Variants in PCDHA2 observed in about 807,000 individuals in gnomAD.
The protein encoded by PCDHA2 is protocadherin alpha 2.
In PCDHA2, 58 loss-of-function variants were observed where a neutral mutation model predicts 66.0. That is an observed-to-expected ratio of 0.88 (90% CI 0.71 to 1.09). The LOEUF (loss-of-function observed/expected upper bound fraction) is 1.09. PCDHA2 is among the 50% of genes least tolerant of loss of function. The pLI is 0.00. For synonymous variants in PCDHA2, 634 were observed against 554.0 expected, an observed-to-expected ratio of 1.14 and a Z score of -2.03; for missense variants, 1,267 against 1,242.3, an observed-to-expected ratio of 1.02 and a Z score of -0.30.
At chr5:140,842,644 G>C in intron 1 of PCDHA2, 1 of 1,595,462 alleles carries the variant, frequency 6.3e-7, no homozygotes, top group African/African-American at 1.3e-5. Context: ...CCGCCAGCTT[G>C]TCTGTGGAGG....
At chr5:140,877,504 A>G (rs532509235) in intron 1 of PCDHA2, 1 of 1,613,764 alleles carries the variant, frequency 6.2e-7, no homozygotes, top group South Asian at 1.1e-5. Context: ...GGCCCCAAAG[A>G]CGTCGTCGCG....
chr5:140,871,072 G>T, intron 1 of PCDHA2: 1 of 1,613,238 alleles, frequency 6.2e-7, no homozygotes, highest in South Asian at 1.1e-5. Context: ...CGGTGAGCCG[G>T]CGCTGACGGC....
intron 1 of PCDHA2, among the ~76,000 whole-genome samples, chr5:140,818,937 A>G (rs1160435477): frequency 4.6e-5 from 7 of 152,228 alleles, no homozygotes; most frequent in Middle Eastern, 3.2e-3. Flanking sequence ...ATTATTTGAC[A>G]TGAACATTGA....
rs2098417657 is a variant in PCDHA2, at chr5:141,010,566, C to T, written c.*629C>T. 3.4e-6 allele frequency: 1 copy of T among 290,180 alleles called. No individual in the cohort carries two copies. The highest frequency in any genetic ancestry group is 6.5e-6 in the Non-Finnish European group (1 of 154,226). The allele number at this position is 290,180 out of a possible 1,614,324, so 18.0% of individuals were successfully genotyped here. ...GACAAAACTACCCCCACTGACAAGG[C>T]TTTAGGAGACCCTAAAGTCTGTTGG... On this transcript the variant is annotated 3_prime_UTR_variant, in exon 4 of 4. Coordinates refer to ENST00000526136, the MANE Select transcript of PCDHA2 (RefSeq NM_018905.3).
At position 141,010,190 on chromosome 5, in the gene PCDHA2, CCTTT is replaced by C. The variant is rs763940360; in HGVS notation, c.*256_*259del. On this transcript the variant is annotated 3_prime_UTR_variant, in exon 4 of 4. Coordinates refer to ENST00000526136, the MANE Select transcript of PCDHA2 (RefSeq NM_018905.3). ...GAACCTAAAAAGCAGACCCAAGTTT[CCTTT>C]CTCCTCCGCCGCAAAGGAGAGGCTT... 6.4e-7 allele frequency: 1 copy of C among 1,552,504 alleles called. No individual in the cohort carries two copies. Among genetic ancestry groups the C allele is most frequent in the Non-Finnish European group, 8.7e-7 (1 of 1,147,234 alleles).
intron 1 of PCDHA2, chr5:140,823,465 C>G (rs1554129364): frequency 1.9e-6 from 3 of 1,613,368 alleles, no homozygotes; most frequent in South Asian, 1.1e-5. Flanking sequence ...CGCGCCGGCG[C>G]TGCTGGTGCC....
At chr5:140,915,204 C>T (rs2077022161) in intron 1 of PCDHA2, among the ~76,000 whole-genome samples, 1 of 152,236 alleles carries the variant, frequency 6.6e-6, no homozygotes, top group East Asian at 1.9e-4. Flanking sequence ...ATCTTGGCCT[C>T]CCAAAGTGCT....
intron 1 of PCDHA2, chr5:140,929,360 C>G (rs781864515): frequency 5.3e-6 from 8 of 1,519,748 alleles, no homozygotes; most frequent in Non-Finnish European, 6.2e-6. Flanking sequence ...TTCCTTTGGC[C>G]CGGAGATGGC....
chr5:140,838,268 C>G (rs1775630088), intron 1 of PCDHA2, among the ~76,000 whole-genome samples: 1 of 138,020 alleles, frequency 7.2e-6, no homozygotes, highest in African/African-American at 2.8e-5. Flanking sequence ...CGCCAACAAC[C>G]AAGCCATGCT....
chr5:140,822,352 C>G, intron 1 of PCDHA2: 1 of 1,614,074 alleles, frequency 6.2e-7, no homozygotes, highest in South Asian at 1.1e-5. Context: ...CTTTTTAGAG[C>G]TGGTTTTGAG....
At position 140,857,387 on chromosome 5, in the gene PCDHA2, G is replaced by C. The variant is rs369919324; in HGVS notation, c.2388+60035G>C. 21 of 1,598,586 alleles carry C rather than the reference G, an allele frequency of 1.3e-5. 1 individual carries two copies. The Admixed American group carries it at 3.5e-4, about 27-fold the overall frequency. On this transcript the variant is annotated intron_variant, in intron 1 of 3. Coordinates refer to ENST00000526136, the MANE Select transcript of PCDHA2 (RefSeq NM_018905.3). The stretch of plus-strand genomic sequence containing the variant: ...CAGCGTGTCTGTGGAGGTGGCCGAC[G>C]TGAACGACAACGCGCCTGCGTTCGC...
chr5:140,899,513 C>T (rs4552682), intron 1 of PCDHA2, among the ~76,000 whole-genome samples: 7,065 of 152,042 alleles, frequency 0.046, 286 homozygotes, highest in African/African-American at 0.11. Flanking sequence ...GCATATATTG[C>T]ATCCCAGGGA....
intron 1 of PCDHA2, chr5:140,851,313 C>T: frequency 1.0e-6 from 1 of 998,874 alleles, no homozygotes; most frequent in Non-Finnish European, 1.2e-6. Flanking sequence ...GCAATTGTTA[C>T]CTTGTTAAGT....
At chr5:140,884,014 G>A (rs1582743653) in intron 1 of PCDHA2, 1 of 1,613,168 alleles carries the variant, frequency 6.2e-7, no homozygotes, top group Non-Finnish European at 8.5e-7. Context: ...AGCTGATGCC[G>A]CGGTCGGTGG....
At chr5:140,985,670 G>A (rs1554247237) in intron 3 of PCDHA2, among the ~76,000 whole-genome samples, 1 of 152,024 alleles carries the variant, frequency 6.6e-6, no homozygotes, top group East Asian at 1.9e-4. Flanking sequence ...AAAGGAAGTG[G>A]GGCCTGCCTT....
At position 140,982,483 on chromosome 5, in the gene PCDHA2, A is replaced by C. The variant is rs1554244276; in HGVS notation, c.2456A>C (p.His819Pro). 1.2e-5 allele frequency: 20 copies of C among 1,614,142 alleles called. No homozygotes were observed. In the South Asian group the frequency reaches 1.9e-4, roughly 15 times the overall value. The stretch of plus-strand genomic sequence containing the variant: ...TCTGTGTGTTTATTCAGCTCTGTGC[A>C]CCTAGAGGAGGCTGGCATTCTACGG... ...SLRAGMHSSV[H>P]LEEAGILRAG... The change falls in exon 3 of 4, where the codon CAC becomes CCC. Residue 819 changes from histidine to proline, a missense_variant. By Grantham distance (77) the His-to-Pro change is moderately conservative. Coordinates refer to ENST00000526136, the MANE Select transcript of PCDHA2 (RefSeq NM_018905.3).
Position 140,801,824 on chromosome 5 carries a change from T to G in PCDHA2, c.2388+4472T>G, listed in dbSNP as rs781883611. On this transcript the variant is annotated intron_variant, in intron 1 of 3. Coordinates refer to ENST00000526136, the MANE Select transcript of PCDHA2 (RefSeq NM_018905.3). Reference sequence around the variant, plus strand: ...ATCGAGAGGACACTCCTAAGCATTATTTACTAATAACAGCAATTGATGGTG... The same window carrying G: ...ATCGAGAGGACACTCCTAAGCATTAGTTACTAATAACAGCAATTGATGGTG... The G allele has an allele frequency of 9.9e-6, 16 of 1,614,016 alleles. No homozygotes were observed. The East Asian group carries it at 3.6e-4, about 36-fold the overall frequency.
At chr5:140,856,734 T>C in intron 1 of PCDHA2, 1 of 1,596,648 alleles carries the variant, frequency 6.3e-7, no homozygotes. Context: ...TCTCTGCTGA[T>C]CCTGGTGTTA....
At chr5:140,880,242 G>A (rs549683370) in intron 1 of PCDHA2, among the ~76,000 whole-genome samples, 22 of 150,572 alleles carry the variant, frequency 1.5e-4, no homozygotes, top group Admixed American at 7.2e-4. Context: ...GTGTATGTGC[G>A]TGTGTGTATG....
Sources: allele counts gnomAD v4.1 joint callset (sites outside exome capture counted in the v4.1 genomes callset), GRCh38; gene constraint gnomAD v4.1.1; transcripts MANE v1.5; gene names NCBI Gene and HGNC (gene_info 2026-07-23, HGNC 2026-07-21).